SCAPER: variants seen among roughly 807,000 people sequenced by gnomAD.
SCAPER encodes S phase cyclin A-associated protein in the endoplasmic reticulum.
In SCAPER, 98 loss-of-function variants were observed where a neutral mutation model predicts 182.2. That is an observed-to-expected ratio of 0.54 (90% confidence interval 0.46 to 0.64). The LOEUF (loss-of-function observed/expected upper bound fraction) is 0.64. SCAPER is among the 30% of genes least tolerant of loss of function. The pLI, the probability that SCAPER is intolerant of heterozygous loss-of-function variation, is 0.00. For synonymous variants in SCAPER, 605 were observed against 564.6 expected, an observed-to-expected ratio of 1.07 and a Z score of -1.01; for missense variants, 1,432 against 1,690.0, an observed-to-expected ratio of 0.85 and a Z score of 2.68.
chr15:76,847,532 G>A (rs2070239127), intron 4 of SCAPER, among the ~76,000 whole-genome samples: 1 of 152,096 alleles, frequency 6.6e-6, no homozygotes, highest in African/African-American at 2.4e-5. Context: ...CATTTTCCAC[G>A]ATGCAGTTAT....
At chr15:76,702,733 G>GCTGC in intron 19 of SCAPER, 117 bp downstream of exon 19, 1 of 1,187,350 alleles carries the variant, frequency 8.4e-7, no homozygotes, top group East Asian at 2.6e-5. Context: ...ACAGGTGTGA[G>GCTGC]CTGCCACATC....
At chr15:76,546,886 G>A (rs1483519628) in intron 23 of SCAPER, among the ~76,000 whole-genome samples, 1 of 152,092 alleles carries the variant, frequency 6.6e-6, no homozygotes, top group African/African-American at 2.4e-5. Context: ...TCAATGACCT[G>A]TTCAATGGTA....
chr15:76,479,908 CA>C (rs1252999196), intron 24 of SCAPER, among the ~76,000 whole-genome samples: 1 of 152,204 alleles, frequency 6.6e-6, no homozygotes, highest in Non-Finnish European at 1.5e-5. Context: ...AGTTCTGGCA[CA>C]GTAAAATTCT....
chr15:76,757,020 C>CTG (rs1338022397), intron 14 of SCAPER, among the ~76,000 whole-genome samples: 37 of 127,422 alleles, frequency 2.9e-4, no homozygotes, highest in Non-Finnish European at 5.2e-4. Flanking sequence ...AGTGCCCCAC[C>CTG]CACTTACCCA....
chr15:76,767,121 A>T (rs1312939621), intron 10 of SCAPER, 33 bp from the exon 11 acceptor site: 4 of 1,516,634 alleles, frequency 2.6e-6, no homozygotes, highest in Admixed American at 2.3e-5. Flanking sequence ...ACAAAAAGAA[A>T]AATGATCACT....
At chr15:76,890,086 G>T (rs944525352) in intron 1 of SCAPER, among the ~76,000 whole-genome samples, 4 of 152,152 alleles carry the variant, frequency 2.6e-5, no homozygotes, top group Non-Finnish European at 4.4e-5. Context: ...ATAATGAAAT[G>T]AAGGCAGAAA....
At chr15:76,577,099 C>T (rs764330456) in intron 22 of SCAPER, 8 of 152,316 alleles carry the variant, frequency 5.3e-5, no homozygotes, top group Non-Finnish European at 7.3e-5. Context: ...AGGCAGCTCA[C>T]AACTCTGGTA....
Position 76,366,304 on chromosome 15 carries a change from T to C in SCAPER, c.3855+9858A>G, listed in dbSNP as rs960468878. Among the ~76,000 whole-genome samples, 4 of 152,342 alleles carry C rather than the reference T, an allele frequency of 2.6e-5. No individual in the cohort carries two copies. The South Asian group carries it at 6.2e-4, about 24-fold the overall frequency. ...CTTACTATGGAGCTTTTGGGTGTTATGAGAACAGGAGGGTTAATAAATGCA... is the reference window on the plus strand; with the variant it reads ...CTTACTATGGAGCTTTTGGGTGTTACGAGAACAGGAGGGTTAATAAATGCA... On this transcript the variant is annotated intron_variant, in intron 29 of 31. Transcript: ENST00000563290.
Position 76,354,156 on chromosome 15 carries a change from A to T in SCAPER, c.3856-16T>A. The T allele has an allele frequency of 6.3e-7, 1 of 1,589,506 alleles. No individual in the cohort carries two copies. On this transcript the variant is annotated splice_polypyrimidine_tract_variant and intron_variant, in intron 29 of 31. Coordinates refer to ENST00000563290, the MANE Select transcript of SCAPER (RefSeq NM_020843.4). This position sits in a 1 kb window ranked among gnomAD's most constrained non-coding sequence, Gnocchi z 4.4. Reference sequence around the variant, plus strand: ...GCACGATCACCTGAAATGGAAGAGCAGCCCAGGTCAGCTGCCGAAACGCCC... The same window carrying T: ...GCACGATCACCTGAAATGGAAGAGCTGCCCAGGTCAGCTGCCGAAACGCCC...
intron 22 of SCAPER, among the ~76,000 whole-genome samples, chr15:76,585,266 AC>A (rs1448561186): frequency 1.3e-5 from 2 of 152,298 alleles, no homozygotes; most frequent in African/African-American, 4.8e-5. Context: ...TAAATGGTCG[AC>A]TATTATTACT....
At chr15:76,442,949 T>A (rs2047717566) in intron 25 of SCAPER, among the ~76,000 whole-genome samples, 1 of 152,088 alleles carries the variant, frequency 6.6e-6, no homozygotes, top group African/African-American at 2.4e-5. Context: ...AACCAGGAAA[T>A]AATTTAAAAA....
At chr15:76,565,685 C>A (rs552830473) in intron 23 of SCAPER, among the ~76,000 whole-genome samples, 1 of 152,228 alleles carries the variant, frequency 6.6e-6, no homozygotes, top group African/African-American at 2.4e-5. Context: ...CCAGTAAATT[C>A]TCCTTCTCTC....
chr15:76,364,281 G>A (rs967758261), intron 29 of SCAPER, among the ~76,000 whole-genome samples: 3 of 152,158 alleles, frequency 2.0e-5, no homozygotes, highest in Non-Finnish European at 1.5e-5. Flanking sequence ...GGCCCTTTAA[G>A]CACTAGCCTT....
intron 5 of SCAPER, among the ~76,000 whole-genome samples, chr15:76,841,415 G>A (rs568123219): frequency 6.6e-6 from 1 of 152,278 alleles, no homozygotes; most frequent in Non-Finnish European, 1.5e-5. Context: ...GGGAGGCCGA[G>A]ATGGGTGGAT....
At chr15:76,873,331 AAGGCAGGCAGGCAGGCAGGC>A (rs56176862) in intron 2 of SCAPER, among the ~76,000 whole-genome samples, 4,741 of 83,372 alleles carry the variant, frequency 0.057, 189 homozygotes, top group Middle Eastern at 0.072. Context: ...GGAAGGAAGG[AAGGCAGGCAGGCAGGCAGGC>A]AGGCAGGCAG....
chr15:76,500,020 T>C (rs1294639400), intron 24 of SCAPER, among the ~76,000 whole-genome samples: 1 of 152,240 alleles, frequency 6.6e-6, no homozygotes, highest in Non-Finnish European at 1.5e-5. Context: ...GTGCAGGGAC[T>C]TAAACACATG....
chr15:76,677,973 T>C (rs2057463866), intron 20 of SCAPER, among the ~76,000 whole-genome samples: 1 of 152,052 alleles, frequency 6.6e-6, no homozygotes, highest in Admixed American at 6.6e-5. Flanking sequence ...TTCATTAAGC[T>C]GCCATTTTTA....
In SCAPER at chr15:76,759,453, T is replaced by C. The variant is rs114072146; in HGVS notation, c.1726-5505A>G. Among the ~76,000 whole-genome samples the C allele has an allele frequency of 7.3e-3, 1,109 of 152,204 alleles. 17 individuals are homozygous for C. Among genetic ancestry groups the C allele is most frequent in the African/African-American group, 0.025 (1,055 of 41,514 alleles). On this transcript the variant is annotated intron_variant, in intron 14 of 31. Coordinates refer to ENST00000563290, the MANE Select transcript of SCAPER (RefSeq NM_020843.4). ...TTTTATAAGGCACCCACTCCTGCAA[T>C]AAGAACCCACTTCCACAATAATGGT...
intron 21 of SCAPER, among the ~76,000 whole-genome samples, chr15:76,651,932 C>T (rs2055085703): frequency 6.6e-6 from 1 of 151,738 alleles, no homozygotes. Context: ...CACCACAAAT[C>T]AAGTAAGCTT....
Sources: allele counts gnomAD v4.1 joint callset (sites outside exome capture counted in the v4.1 genomes callset), GRCh38; gene constraint gnomAD v4.1.1; non-coding constraint Gnocchi (gnomAD v3.1); transcripts MANE v1.5; gene names NCBI Gene and HGNC (gene_info 2026-07-23, HGNC 2026-07-21).